The following NIPSNAP3B variants were observed in gnomAD, a reference collection of about 807,000 sequenced individuals.
NIPSNAP3B encodes the protein protein NipSnap homolog 3B.
NIPSNAP3B carries 30 observed loss-of-function variants against 31.5 expected under a neutral mutation model. The observed-to-expected ratio is 0.95, with a 90% CI of 0.71 to 1.29. NIPSNAP3B has a LOEUF of 1.29. Ranked by LOEUF, NIPSNAP3B falls within the 50% of genes most tolerant of loss-of-function variation. NIPSNAP3B has a pLI of 0.00. For synonymous variants in NIPSNAP3B, 106 were observed against 107.9 expected (o/e 0.98, Z 0.11); for missense variants, 269 against 300.7 (o/e 0.89, Z 0.78).
intron 5 of NIPSNAP3B, 29 bp from the exon 6 acceptor site, chr9:104,772,968 G>A: frequency 6.2e-7 from 1 of 1,613,948 alleles, no homozygotes; most frequent in South Asian, 1.1e-5. Context: ...ACCAATAACT[G>A]TATGCCTTCT....
At position 104,764,273 on chromosome 9, in the gene NIPSNAP3B, G is replaced by C. The variant is rs142770381; in HGVS notation, c.33G>C (p.Ala11=). The change falls in exon 1 of 6, where the codon GCG becomes GCC. Residue 11 remains alanine, a synonymous_variant. Transcript: ENST00000374762. ...TTCTCAGAAGCGGCCTGACCAAGGCGCTTGCCTCACGGACGCTCGCGCCTC... is the reference window on the plus strand; with the variant it reads ...TTCTCAGAAGCGGCCTGACCAAGGCCCTTGCCTCACGGACGCTCGCGCCTC... MLVLRSGLTK[A]LASRTLAPQV... 1 of 1,597,290 alleles carries C rather than the reference G, an allele frequency of 6.3e-7. No individual in the cohort carries two copies. Among genetic ancestry groups the C allele is most frequent in the Non-Finnish European group, 8.5e-7 (1 of 1,174,040 alleles).
In NIPSNAP3B at chr9:104,777,416, C is replaced by T. The variant is rs1411626527; in HGVS notation, c.*4343C>T. On this transcript the variant is annotated 3_prime_UTR_variant, in exon 6 of 6. Transcript: ENST00000374762. ...ACCTAGAATGTCTATTCTCTAAGCA[C>T]CTTCTTGAAAGAAGCACATTCCCCC... The T allele has an allele frequency of 6.6e-6, 1 of 152,230 alleles. No individual in the cohort carries two copies. The highest frequency in any genetic ancestry group is 1.5e-5 in the Non-Finnish European group (1 of 68,058). 9.4% of individuals were successfully genotyped at this position (152,230 alleles called of 1,614,324 possible).
intron 3 of NIPSNAP3B, 81 bp downstream of exon 3, chr9:104,769,102 G>C: frequency 2.0e-6 from 2 of 994,386 alleles, no homozygotes; most frequent in Non-Finnish European, 2.9e-6. Context: ...AAGTTCTATA[G>C]GAAAAAAATA....
intron 2 of NIPSNAP3B, among the ~76,000 whole-genome samples, chr9:104,768,247 G>C (rs1828130653): frequency 6.6e-6 from 1 of 152,090 alleles, no homozygotes; most frequent in Non-Finnish European, 1.5e-5. Context: ...TAGAGAAAAA[G>C]AATTACTGAC....
chr9:104,786,691 G>A, the NIPSNAP3B span, among the ~76,000 whole-genome samples: 1 of 152,234 alleles, frequency 6.6e-6, no homozygotes, highest in Non-Finnish European at 1.5e-5. Flanking sequence ...AATATATTAA[G>A]TGAAAAAGAG....
chr9:104,765,904 C>A (rs568314676), intron 1 of NIPSNAP3B, among the ~76,000 whole-genome samples: 5 of 152,110 alleles, frequency 3.3e-5, no homozygotes, highest in Admixed American at 3.3e-4. Flanking sequence ...TGCCAAAAGG[C>A]ATGTGTACTT....
Position 104,775,482 on chromosome 9 carries a change from G to A in NIPSNAP3B, c.*2409G>A, listed in dbSNP as rs1275808168. 6.6e-6 allele frequency among the ~76,000 whole-genome samples: 1 copy of A among 152,170 alleles called. No individual in the cohort carries two copies. Among genetic ancestry groups the A allele is most frequent in the Admixed American group, 6.5e-5 (1 of 15,284 alleles). ...CCATCTTGTCTCTTTGACCTCTGAT[G>A]TAAGGACTGAGTCCTTGGACCACTT... On this transcript the variant is annotated 3_prime_UTR_variant, in exon 6 of 6. Coordinates refer to ENST00000374762, the MANE Select transcript of NIPSNAP3B (RefSeq NM_018376.4).
At position 104,773,379 on chromosome 9, in the gene NIPSNAP3B, A is replaced by G; in HGVS notation, c.*306A>G. 1 of 229,456 alleles carries G rather than the reference A, an allele frequency of 4.4e-6. No individual in the cohort carries two copies. The highest frequency in any genetic ancestry group is 8.5e-6 in the Non-Finnish European group (1 of 118,232). 14.2% of individuals were successfully genotyped at this position (229,456 alleles called of 1,614,324 possible). A position where few individuals can be genotyped will look rare whatever the true frequency, so the allele number is the denominator to read the frequency against. On this transcript the variant is annotated 3_prime_UTR_variant, in exon 6 of 6. Transcript: ENST00000374762. ...CTGTATTTTGATAACTCATTGCTTT[A>G]TAGCATTTTCTTTTACTCAAATAAG... is the stretch of plus-strand genomic sequence containing the variant.
At position 104,764,209 on chromosome 9, in the gene NIPSNAP3B, C is replaced by T. The variant is rs1327546272; in HGVS notation, c.-32C>T. 1 of 1,588,598 alleles carries T rather than the reference C, an allele frequency of 6.3e-7. No individual in the cohort carries two copies. Among genetic ancestry groups the T allele is most frequent in the South Asian group, 1.1e-5 (1 of 87,384 alleles). ...CAGAGAAGTCTCACAAAGGACTCGG[C>T]TGGCTGCTTTTCTCAGTGCCGAAGC... On this transcript the variant is annotated 5_prime_UTR_variant, in exon 1 of 6. Transcript: ENST00000374762.
chr9:104,786,680 C>T, the NIPSNAP3B span, among the ~76,000 whole-genome samples: 2 of 152,178 alleles, frequency 1.3e-5, no homozygotes, highest in African/African-American at 2.4e-5. Flanking sequence ...ATAATGTTTA[C>T]AATATATTAA....
rs2482430 is a variant in NIPSNAP3B at position 104,777,071 on chromosome 9, T to C, written c.*3998T>C. On this transcript the variant is annotated 3_prime_UTR_variant, in exon 6 of 6. Transcript: ENST00000374762. ...TCAATAAATAAAAATAATACCATTG[T>C]CTGTTGGTTATAAGTTGCTGTCACA... The C allele has an allele frequency of 0.85, 128,939 of 152,206 alleles. 54,882 individuals are homozygous for C. Among genetic ancestry groups the C allele is most frequent in the Admixed American group, 0.9 (13,830 of 15,304 alleles). The allele number at this position is 152,206 out of a possible 1,614,324, so 9.4% of individuals were successfully genotyped here.
downstream of NIPSNAP3B, among the ~76,000 whole-genome samples, chr9:104,778,717 A>G (rs1179633340): frequency 1.3e-5 from 2 of 152,160 alleles, no homozygotes; most frequent in African/African-American, 4.8e-5. Context: ...CAAAGTGGAT[A>G]CTGAACATTA....
the NIPSNAP3B span, chr9:104,784,214 CCCACATCAACT>C: frequency 6.7e-7 from 1 of 1,482,146 alleles, no homozygotes; most frequent in Admixed American, 1.7e-5. Flanking sequence ...TTTACTTCTT[CCCACATCAACT>C]TCTGGCTCTT....
At chr9:104,765,665 C>A (rs1378560438) in intron 1 of NIPSNAP3B, among the ~76,000 whole-genome samples, 2 of 152,172 alleles carry the variant, frequency 1.3e-5, no homozygotes, top group African/African-American at 4.8e-5. Flanking sequence ...AGACAATTCT[C>A]ATTTGTTGAG....
chr9:104,778,557 A>C (rs896724597), downstream of NIPSNAP3B, among the ~76,000 whole-genome samples: 1 of 152,088 alleles, frequency 6.6e-6, no homozygotes, highest in Non-Finnish European at 1.5e-5. Context: ...ATTTTCCATC[A>C]TTGCCCCTGA....
At chr9:104,786,775 T>G in the NIPSNAP3B span, 1 of 1,150,448 alleles carries the variant, frequency 8.7e-7, no homozygotes, top group Non-Finnish European at 1.3e-6. Context: ...TTTTACTCTT[T>G]GCTTTTCTGT....
At chr9:104,782,609 G>A (rs1292155097), downstream of NIPSNAP3B, 1 of 152,092 alleles carries the variant, frequency 6.6e-6, no homozygotes, top group Admixed American at 6.5e-5. Flanking sequence ...TGCTCCATAT[G>A]GAAGTATTTG....
At chr9:104,770,584 T>G (rs1029438780) in intron 3 of NIPSNAP3B, among the ~76,000 whole-genome samples, 1 of 152,192 alleles carries the variant, frequency 6.6e-6, no homozygotes, top group Non-Finnish European at 1.5e-5. Flanking sequence ...TATTTCAGAG[T>G]GTAGTTTATA....
the NIPSNAP3B span, among the ~76,000 whole-genome samples, chr9:104,790,096 C>CA: frequency 0.19 from 25,843 of 135,146 alleles, 3,101 homozygotes; most frequent in East Asian, 0.43. Context: ...AACTCCGTCT[C>CA]AAAAAAAAAA....
Sources: gnomAD v4.1 joint callset for allele counts (sites outside exome capture counted in the v4.1 genomes callset) on GRCh38, gnomAD v4.1.1 for gene constraint, MANE v1.5 for transcripts, NCBI Gene and HGNC (gene_info 2026-07-23, HGNC 2026-07-21) for gene names.